The following WDR26 variants were observed in gnomAD, a reference collection of about 807,000 sequenced individuals.
The protein encoded by WDR26 is WD repeat domain 26.
WDR26 carries 5 observed loss-of-function variants against 84.1 expected under a neutral mutation model. The observed-to-expected ratio is 0.06, with a 90% CI of 0.03 to 0.13. The LOEUF is 0.13. Among genes scored for constraint, WDR26 ranks in the 10% least tolerant of loss-of-function variants. The pLI is 1.00. For missense variants in WDR26, 642 were observed against 974.9 expected, an observed-to-expected ratio of 0.66 and a Z score of 4.55; for synonymous variants, 415 against 389.6, an observed-to-expected ratio of 1.07 and a Z score of -0.77.
chr1:224,409,610 C>T (rs1210689311), intron 7 of WDR26, among the ~76,000 whole-genome samples: 4 of 152,096 alleles, frequency 2.6e-5, no homozygotes, highest in Admixed American at 6.5e-5. Context: ...GCCAGTAATC[C>T]CAGCACTTTG....
intron 4 of WDR26, among the ~76,000 whole-genome samples, chr1:224,421,321 C>T (rs927054583): frequency 1.2e-4 from 19 of 152,208 alleles, no homozygotes; most frequent in African/African-American, 4.6e-4. Context: ...AGGTAATCAG[C>T]ACGCCTGTAA....
At chr1:224,398,365 G>A (rs1572163398) in intron 11 of WDR26, 139 bp from the exon 12 acceptor site, 5 of 1,291,740 alleles carry the variant, frequency 3.9e-6, no homozygotes, top group Non-Finnish European at 5.3e-6. Flanking sequence ...ACAAATTTAT[G>A]GTTGATTATA....
chr1:224,399,054 T>C lies in WDR26; in HGVS notation c.1720-20A>G. The C allele has an allele frequency of 6.7e-7, 1 of 1,499,848 alleles. No individual in the cohort carries two copies. The highest frequency in any genetic ancestry group is 8.8e-7 in the Non-Finnish European group (1 of 1,130,746). 92.9% of individuals were successfully genotyped at this position (1,499,848 alleles called of 1,614,324 possible). ...TAAGTCCTGAGTAAGAAAAAACTAC[T>C]ATTAACTTCATTACTCAACAGCACT... is the stretch of plus-strand genomic sequence containing the variant. On this transcript the variant is annotated intron_variant, in intron 9 of 13. Coordinates refer to ENST00000414423, the MANE Select transcript of WDR26 (RefSeq NM_001379403.1).
chr1:224,411,680 T>A, intron 6 of WDR26, 115 bp from the exon 7 acceptor site: 1 of 1,162,908 alleles, frequency 8.6e-7, no homozygotes, highest in Non-Finnish European at 1.2e-6. Context: ...ACTTTAAAAA[T>A]AAGAAGTGAA....
intron 3 of WDR26, among the ~76,000 whole-genome samples, chr1:224,425,149 G>C (rs532330272): frequency 1.3e-5 from 2 of 152,218 alleles, no homozygotes; most frequent in African/African-American, 4.8e-5. Context: ...CCAGAAATCA[G>C]AACTAGACAC....
intron 9 of WDR26, 27 bp from the exon 10 acceptor site, chr1:224,399,061 T>A: frequency 6.1e-6 from 9 of 1,485,678 alleles, no homozygotes; most frequent in Non-Finnish European, 8.0e-6. Context: ...TACTATTAAC[T>A]TCATTACTCA....
intron 8 of WDR26, among the ~76,000 whole-genome samples, chr1:224,404,122 T>C (rs1166640137): frequency 1.3e-5 from 2 of 152,184 alleles, no homozygotes; most frequent in Admixed American, 6.5e-5. Context: ...AGGTGTAATG[T>C]ACAATTGTGA....
intron 8 of WDR26, among the ~76,000 whole-genome samples, chr1:224,401,671 C>CAAAAAAAAAAAAAAAAAAAAAAAAA (rs767368281): frequency 1.6e-4 from 8 of 49,634 alleles, no homozygotes; most frequent in African/African-American, 6.0e-4. Context: ...GAGACTGTCT[C>CAAAAAAAAAAAAAAAAAAAAAAAAA]AAAAAAAAAA....
intron 5 of WDR26, among the ~76,000 whole-genome samples, chr1:224,418,974 TA>T (rs1204141666): frequency 2.0e-5 from 3 of 152,202 alleles, no homozygotes; most frequent in Non-Finnish European, 4.4e-5. Context: ...GAATCCCTTA[TA>T]CCTCCCCAAC....
At chr1:224,401,671 C>CAAAAAAAAAAAAAAAAAGAAAA (rs1673417301) in intron 8 of WDR26, among the ~76,000 whole-genome samples, 6 of 49,638 alleles carry the variant, frequency 1.2e-4, no homozygotes, top group East Asian at 5.4e-4. Flanking sequence ...GAGACTGTCT[C>CAAAAAAAAAAAAAAAAAGAAAA]AAAAAAAAAA....
At chr1:224,428,904 CAAA>C (rs34399474) in intron 3 of WDR26, among the ~76,000 whole-genome samples, 6 of 114,750 alleles carry the variant, frequency 5.2e-5, no homozygotes, top group Non-Finnish European at 5.7e-5. Context: ...AACTCCATCT[CAAA>C]AAAAAAAAAA....
chr1:224,420,603 TTTC>T (rs1404102389), intron 4 of WDR26, among the ~76,000 whole-genome samples: 2 of 152,212 alleles, frequency 1.3e-5, no homozygotes, highest in Non-Finnish European at 2.9e-5. Context: ...ATAAAGCATA[TTTC>T]ATTTAGAATC....
In WDR26 at chr1:224,434,232, G is replaced by A. The variant is rs35365551; in HGVS notation, c.174C>T (p.Ser58=). 2 of 1,370,446 alleles carry A rather than the reference G, an allele frequency of 1.5e-6. No homozygotes were observed. The highest frequency in any genetic ancestry group is 1.8e-5 in the South Asian group (1 of 55,030). 84.9% of individuals were successfully genotyped at this position (1,370,446 alleles called of 1,614,324 possible). Residue 58 remains serine (S), a synonymous_variant, in exon 1 of 14, where the codon TCC becomes TCT. Transcript: ENST00000414423. ...AGGAGGAGGAGGAGGAGGAGGACGA[G>A]GACGACGAGGACGGAGGGGAGAGGC...
Position 224,387,537 on chromosome 1 carries a change from TAA to T in WDR26, c.*2296_*2297del, listed in dbSNP as rs1324655701. On this transcript the variant is annotated 3_prime_UTR_variant, in exon 14 of 14. Coordinates refer to ENST00000414423, the MANE Select transcript of WDR26 (RefSeq NM_001379403.1). ...TGTGCCTCACTTTTACTCCACTTTT[TAA>T]AAAGTGTTTTTAAACTGTACTTCAG... The T allele has an allele frequency of 2.6e-5, 4 of 152,656 alleles. No individual in the cohort carries two copies. The highest frequency in any genetic ancestry group is 1.9e-4 in the East Asian group (1 of 5,204). The allele number at this position is 152,656 out of a possible 1,614,324, so 9.5% of individuals were successfully genotyped here.
chr1:224,422,726 AG>A (rs397939425), intron 4 of WDR26, among the ~76,000 whole-genome samples: 7 of 150,568 alleles, frequency 4.6e-5, no homozygotes, highest in Non-Finnish European at 5.9e-5. Flanking sequence ...AAAAAAAAAA[AG>A]GAAAGAAATT....
intron 8 of WDR26, among the ~76,000 whole-genome samples, chr1:224,404,009 T>G (rs1186379633): frequency 6.6e-6 from 1 of 152,180 alleles, no homozygotes; most frequent in Non-Finnish European, 1.5e-5. Context: ...ATCAGTTAGC[T>G]TCACTAAACT....
chr1:224,413,329 C>T lies in WDR26; in HGVS notation c.1320-1764G>A. The stretch of plus-strand genomic sequence containing the variant: ...AATTTAGAATTACATTTTGTCAATT[C>T]ACCAGTCTGAAACAAAATATACATT... On this transcript the variant is annotated intron_variant, in intron 6 of 13. Transcript: ENST00000414423. 4 of 1,245,312 alleles carry T rather than the reference C, an allele frequency of 3.2e-6. No homozygotes were observed. In the South Asian group the frequency reaches 5.3e-5, roughly 17 times the overall value. The allele number at this position is 1,245,312 out of a possible 1,614,324, so 77.1% of individuals were successfully genotyped here. A position where few individuals can be genotyped will look rare whatever the true frequency, so the allele number is the denominator to read the frequency against.
chr1:224,396,901 GAAAAGAAAAGA>G (rs1038226812), intron 12 of WDR26, among the ~76,000 whole-genome samples: 9 of 33,678 alleles, frequency 2.7e-4, no homozygotes, highest in African/African-American at 3.6e-4. Flanking sequence ...AAAAAGAAAA[GAAAAGAAAAGA>G]AAAGAAAAGG....
chr1:224,420,735 C>A (rs1251726277), intron 4 of WDR26, among the ~76,000 whole-genome samples: 1 of 152,106 alleles, frequency 6.6e-6, no homozygotes, highest in African/African-American at 2.4e-5. Flanking sequence ...TAATTATACT[C>A]AAAAACGCTA....
Sources: gnomAD v4.1 joint callset for allele counts (sites outside exome capture counted in the v4.1 genomes callset) on GRCh38, gnomAD v4.1.1 for gene constraint, MANE v1.5 for transcripts, NCBI Gene and HGNC (gene_info 2026-07-23, HGNC 2026-07-21) for gene names.